Variants in CACNA1E observed in about 807,000 individuals in gnomAD.
CACNA1E encodes the protein voltage-dependent R-type calcium channel subunit alpha-1E.
Under a neutral mutation model 259.2 loss-of-function variants are expected in CACNA1E, and 40 were observed. The observed-to-expected ratio is 0.15, with a 90% CI of 0.12 to 0.20. The LOEUF is 0.20. Among genes scored for constraint, CACNA1E ranks in the 10% least tolerant of loss-of-function variants. The probability of loss-of-function intolerance (pLI) is 1.00; values close to 1 mark genes in which losing one functional copy is unlikely to be tolerated. For missense variants in CACNA1E, 1,874 were observed against 3,040.1 expected (o/e 0.62, Z 9.02); for synonymous variants, 1,104 against 1,138.5 (o/e 0.97, Z 0.61).
At chr1:181,515,967 A>G (rs72731240) in intron 3 of CACNA1E, among the ~76,000 whole-genome samples, 7,620 of 152,218 alleles carry the variant, frequency 0.05, 266 homozygotes, top group South Asian at 0.12. Flanking sequence ...GTCTGTTCCC[A>G]GCCTTCCCCC....
chr1:181,539,666 T>A (rs2102774858), intron 3 of CACNA1E, among the ~76,000 whole-genome samples: 1 of 152,336 alleles, frequency 6.6e-6, no homozygotes, highest in South Asian at 2.1e-4. Flanking sequence ...TTTCTTAAGT[T>A]GAGTAAAAGT....
chr1:181,385,958 GTAGAGA>G (rs983790328), intron 1 of CACNA1E, among the ~76,000 whole-genome samples: 8 of 152,022 alleles, frequency 5.3e-5, no homozygotes, highest in African/African-American at 1.9e-4. Context: ...ACTGAAGAGA[GTAGAGA>G]TAAAGTAGCA....
chr1:181,684,598 T>C (rs895123392), intron 7 of CACNA1E, among the ~76,000 whole-genome samples: 2 of 152,220 alleles, frequency 1.3e-5, no homozygotes, highest in Admixed American at 1.3e-4. Context: ...TCCTAGGGTT[T>C]TCATAGTTTT....
At chr1:181,353,895 A>C (rs1202868954) in intron 1 of CACNA1E, among the ~76,000 whole-genome samples, 1 of 152,236 alleles carries the variant, frequency 6.6e-6, no homozygotes, top group Non-Finnish European at 1.5e-5. Flanking sequence ...GAATTTGAAG[A>C]GATTCCCTGT....
intron 7 of CACNA1E, among the ~76,000 whole-genome samples, chr1:181,690,526 G>T (rs930788457): frequency 5.3e-5 from 8 of 152,156 alleles, no homozygotes; most frequent in African/African-American, 1.9e-4. Flanking sequence ...GTCAATGGTA[G>T]CTTGATGGGG....
At chr1:181,759,205 G>A (rs1335813219) in intron 32 of CACNA1E, among the ~76,000 whole-genome samples, 1 of 152,142 alleles carries the variant, frequency 6.6e-6, no homozygotes, top group Non-Finnish European at 1.5e-5. Context: ...CTTATTTACT[G>A]GTAAAAGGTA....
At chr1:181,689,120 C>T (rs1558268054) in intron 7 of CACNA1E, among the ~76,000 whole-genome samples, 2 of 152,100 alleles carry the variant, frequency 1.3e-5, no homozygotes, top group Non-Finnish European at 2.9e-5. Flanking sequence ...AATGCTATCC[C>T]TCCCCTACCC....
intron 3 of CACNA1E, among the ~76,000 whole-genome samples, chr1:181,550,751 G>A (rs1028585275): frequency 1.3e-5 from 2 of 151,922 alleles, no homozygotes; most frequent in African/African-American, 4.8e-5. Flanking sequence ...TAATGTACTG[G>A]AATGGAATCA....
chr1:181,660,693 A>G (rs1445665866), intron 7 of CACNA1E, among the ~76,000 whole-genome samples: 3 of 152,168 alleles, frequency 2.0e-5, no homozygotes, highest in African/African-American at 2.4e-5. Context: ...TAAGAAGGAA[A>G]TTATTCATGC....
intron 5 of CACNA1E, among the ~76,000 whole-genome samples, chr1:181,580,187 C>T (rs1651385112): frequency 6.6e-6 from 1 of 152,130 alleles, no homozygotes. Context: ...CTAAAAGGAC[C>T]ATAGTTTATA....
At chr1:181,476,624 T>A (rs1160647554) in intron 2 of CACNA1E, among the ~76,000 whole-genome samples, 1 of 152,206 alleles carries the variant, frequency 6.6e-6, no homozygotes, top group Non-Finnish European at 1.5e-5. Context: ...GCCCCTGACA[T>A]GATACCTGAC....
intron 17 of CACNA1E, 101 bp downstream of exon 17, chr1:181,724,638 C>A: frequency 2.1e-6 from 2 of 971,450 alleles, no homozygotes; most frequent in Non-Finnish European, 3.1e-6. Context: ...TGACTCAGGC[C>A]TGCCAGGAAG....
At chr1:181,326,893 C>T (rs1173434847) in intron 1 of CACNA1E, among the ~76,000 whole-genome samples, 1 of 152,182 alleles carries the variant, frequency 6.6e-6, no homozygotes, top group East Asian at 1.9e-4. Context: ...CTTGTTCCTC[C>T]CTTTTGCCCT....
chr1:181,567,753 T>C (rs1649990465), intron 3 of CACNA1E, among the ~76,000 whole-genome samples: 2 of 152,332 alleles, frequency 1.3e-5, no homozygotes, highest in Admixed American at 1.3e-4. Context: ...CAGCCATTCA[T>C]GTTGGTCTGC....
At chr1:181,338,321 G>T (rs200505914) in intron 1 of CACNA1E, among the ~76,000 whole-genome samples, 6 of 152,258 alleles carry the variant, frequency 3.9e-5, no homozygotes, top group African/African-American at 1.4e-4. Context: ...CTTGCCTCAA[G>T]TGATCTGCCC....
chr1:181,364,923 G>T (rs1395794564), intron 1 of CACNA1E, among the ~76,000 whole-genome samples: 4 of 152,164 alleles, frequency 2.6e-5, no homozygotes. Context: ...CTGCCAGCAG[G>T]GCTGCTGGGA....
intron 3 of CACNA1E, among the ~76,000 whole-genome samples, chr1:181,538,109 G>A (rs991566330): frequency 1.3e-5 from 2 of 152,176 alleles, no homozygotes; most frequent in Non-Finnish European, 2.9e-5. Flanking sequence ...TAATATAAAA[G>A]CTGTGTGTTT....
chr1:181,328,745 G>A (rs896402343), intron 1 of CACNA1E, among the ~76,000 whole-genome samples: 3 of 152,182 alleles, frequency 2.0e-5, no homozygotes, highest in Admixed American at 6.5e-5. Flanking sequence ...CTGAGTGACA[G>A]ATTGAGGGAA....
At chr1:181,694,353 G>C (rs1412328481) in intron 7 of CACNA1E, among the ~76,000 whole-genome samples, 1 of 152,192 alleles carries the variant, frequency 6.6e-6, no homozygotes, top group Admixed American at 6.5e-5. Flanking sequence ...AACTTTCTCA[G>C]TCTGATGAAA....
Sources: allele counts gnomAD v4.1 joint callset (sites outside exome capture counted in the v4.1 genomes callset), GRCh38; gene constraint gnomAD v4.1.1; transcripts MANE v1.5; gene names NCBI Gene and HGNC (gene_info 2026-07-23, HGNC 2026-07-21).